Variants in KCNQ3 observed in about 807,000 individuals in gnomAD.
KCNQ3 encodes potassium voltage-gated channel subfamily Q member 3.
KCNQ3 carries 30 observed loss-of-function variants against 92.5 expected under a neutral mutation model. That is an observed-to-expected ratio of 0.32 (90% CI 0.24 to 0.44). KCNQ3 has a LOEUF of 0.44. Ranked by LOEUF, KCNQ3 falls within the 20% of genes least tolerant of loss-of-function variation. The pLI is 1.00. For missense variants in KCNQ3, 913 were observed against 1,140.3 expected, an observed-to-expected ratio of 0.80 and a Z score of 2.87; for synonymous variants, 450 against 468.8, an observed-to-expected ratio of 0.96 and a Z score of 0.52.
intron 1 of KCNQ3, among the ~76,000 whole-genome samples, chr8:132,312,130 C>T (rs1478177910): frequency 1.3e-5 from 2 of 152,178 alleles, no homozygotes; most frequent in South Asian, 4.1e-4. Context: ...AGGAGCGTGG[C>T]TCTGCTGACA....
In KCNQ3 at chr8:132,129,959, T is replaced by C; in HGVS notation, c.1922A>G (p.Asp641Gly). 6.2e-7 allele frequency: 1 copy of C among 1,614,018 alleles called. No homozygotes were observed. Among genetic ancestry groups the C allele is most frequent in the South Asian group, 1.1e-5 (1 of 91,070 alleles). Reference sequence around the variant, plus strand: ...CCGTTCCATGTGTTGCATGTGCATATCCACGAGGAAGTCCAGCTTCTTCCC... The same window carrying C: ...CCGTTCCATGTGTTGCATGTGCATACCCACGAGGAAGTCCAGCTTCTTCCC... ...DMGKKLDFLV[D>G]MHMQHMERLQ... Residue 641 changes from aspartate to glycine, a missense_variant, in exon 15 of 15, where the codon GAT becomes GGT. By Grantham distance (94) the Asp-to-Gly change is moderately conservative. This residue lies in a region of KCNQ3 where 375 missense variants were observed against 376.4 expected (regional missense o/e 1.00). Coordinates refer to ENST00000388996, the MANE Select transcript of KCNQ3 (RefSeq NM_004519.4). The surrounding 1 kb of genome is among the most constrained non-coding windows in gnomAD (Gnocchi z 5.9).
intron 1 of KCNQ3, among the ~76,000 whole-genome samples, chr8:132,388,955 A>G (rs577316970): frequency 6.6e-6 from 1 of 152,360 alleles, no homozygotes; most frequent in South Asian, 2.1e-4. Context: ...CAGATTCTTA[A>G]AAAACATTCT....
intron 1 of KCNQ3, among the ~76,000 whole-genome samples, chr8:132,193,719 C>G (rs1245631707): frequency 6.6e-6 from 1 of 152,210 alleles, no homozygotes; most frequent in African/African-American, 2.4e-5. Flanking sequence ...GAGAGCAACA[C>G]TGCGAGGAAG....
chr8:132,221,328 C>T (rs1038689885), intron 1 of KCNQ3, among the ~76,000 whole-genome samples: 3 of 152,178 alleles, frequency 2.0e-5, no homozygotes, highest in African/African-American at 7.2e-5. Context: ...TGGGTATATA[C>T]CCAGTAATGG....
intron 1 of KCNQ3, among the ~76,000 whole-genome samples, chr8:132,328,216 C>T (rs1047443989): frequency 1.3e-5 from 2 of 152,108 alleles, no homozygotes; most frequent in Non-Finnish European, 2.9e-5. Context: ...AGCTGGCCCT[C>T]AGGACTCATT....
intron 10 of KCNQ3, 183 bp downstream of exon 10, chr8:132,140,946 C>T: frequency 1.6e-6 from 1 of 640,714 alleles, no homozygotes. Flanking sequence ...GAATACATCA[C>T]AATGCCTCAG....
intron 1 of KCNQ3, among the ~76,000 whole-genome samples, chr8:132,374,405 A>G (rs997658838): frequency 6.6e-6 from 1 of 152,126 alleles, no homozygotes; most frequent in Admixed American, 6.5e-5. Flanking sequence ...CCCTTAGGTC[A>G]CTATCCTCCT....
chr8:132,302,056 G>T (rs1275651037), intron 1 of KCNQ3, among the ~76,000 whole-genome samples: 1 of 152,200 alleles, frequency 6.6e-6, no homozygotes, highest in Admixed American at 6.5e-5. Flanking sequence ...ACCAGTCCAG[G>T]TTTAACATGT....
intron 1 of KCNQ3, among the ~76,000 whole-genome samples, chr8:132,477,873 G>A (rs536475786): frequency 3.9e-5 from 6 of 152,308 alleles, no homozygotes; most frequent in African/African-American, 1.4e-4. Context: ...TGTTGGAAGA[G>A]CATCAGAACT....
At chr8:132,403,016 CAAA>C (rs375099145) in intron 1 of KCNQ3, among the ~76,000 whole-genome samples, 1 of 67,632 alleles carries the variant, frequency 1.5e-5, no homozygotes, top group African/African-American at 8.6e-5. Flanking sequence ...GGCACCATCA[CAAA>C]AAAAAAAAAA....
chr8:132,387,335 C>CTGGTAATTAGATATCTAATTGATTAAT (rs2130764383), intron 1 of KCNQ3, among the ~76,000 whole-genome samples: 1 of 152,274 alleles, frequency 6.6e-6, no homozygotes, highest in East Asian at 1.9e-4. Context: ...AGATATCTAA[C>CTGGTAATTAGATATCTAATTGATTAAT]TGGTAATTAA....
intron 1 of KCNQ3, among the ~76,000 whole-genome samples, chr8:132,236,221 G>T (rs1380604380): frequency 6.6e-6 from 1 of 152,126 alleles, no homozygotes; most frequent in Non-Finnish European, 1.5e-5. Flanking sequence ...AATTGCAAAG[G>T]GCAAACCTTT....
intron 1 of KCNQ3, among the ~76,000 whole-genome samples, chr8:132,345,263 C>T (rs1303444778): frequency 1.3e-5 from 2 of 152,210 alleles, no homozygotes; most frequent in Non-Finnish European, 2.9e-5. Context: ...GAACCACCCA[C>T]ACCCATCCTG....
At chr8:132,264,877 T>A (rs1044610378) in intron 1 of KCNQ3, among the ~76,000 whole-genome samples, 2 of 152,206 alleles carry the variant, frequency 1.3e-5, no homozygotes, top group Non-Finnish European at 2.9e-5. Flanking sequence ...TGAGTTGTTA[T>A]AATCACTTAC....
chr8:132,381,564 C>A (rs905496265), intron 1 of KCNQ3, among the ~76,000 whole-genome samples: 6 of 152,178 alleles, frequency 3.9e-5, no homozygotes, highest in Non-Finnish European at 8.8e-5. Flanking sequence ...AAAAATTCCC[C>A]ATTAAGGTAA....
chr8:132,163,742 C>T (rs1036520682), intron 8 of KCNQ3, among the ~76,000 whole-genome samples: 27 of 152,150 alleles, frequency 1.8e-4, no homozygotes, highest in African/African-American at 6.3e-4. Context: ...TTCATTTATT[C>T]ATCCAGAAAA....
intron 3 of KCNQ3, among the ~76,000 whole-genome samples, chr8:132,180,834 T>TAAAAAAAA (rs1563791356): frequency 6.7e-5 from 2 of 29,922 alleles, no homozygotes; most frequent in Admixed American, 3.6e-4. Flanking sequence ...AGAGAGAATG[T>TAAAAAAAA]TAAAAAAAAA....
At chr8:132,463,704 T>A (rs1309259009) in intron 1 of KCNQ3, among the ~76,000 whole-genome samples, 7 of 152,224 alleles carry the variant, frequency 4.6e-5, no homozygotes, top group Non-Finnish European at 1.0e-4. Flanking sequence ...CTCCCTTTTA[T>A]CAAAACGGCA....
At chr8:132,371,858 C>T (rs1444361087) in intron 1 of KCNQ3, among the ~76,000 whole-genome samples, 2 of 152,234 alleles carry the variant, frequency 1.3e-5, no homozygotes, top group African/African-American at 2.4e-5. Context: ...CCGCACACAG[C>T]AAACACATTA....
Sources: gnomAD v4.1 joint callset for allele counts (sites outside exome capture counted in the v4.1 genomes callset) on GRCh38, gnomAD v4.1.1 for gene constraint, gnomAD v4.1.1 regional missense constraint, Gnocchi (gnomAD v3.1) non-coding constraint, MANE v1.5 for transcripts, NCBI Gene and HGNC (gene_info 2026-07-23, HGNC 2026-07-21) for gene names.